The following ZNF41 variants were observed in gnomAD, a reference collection of about 807,000 sequenced individuals.
The protein encoded by ZNF41 is zinc finger protein 41.
Under a neutral mutation model 9.3 loss-of-function variants are expected in ZNF41, and 6 were observed. That is an observed-to-expected ratio of 0.65 (90% CI 0.35 to 1.28). The LOEUF is 1.28. Ranked by LOEUF, ZNF41 falls within the 50% of genes most tolerant of loss-of-function variation. ZNF41 has a pLI of 0.03. For synonymous variants in ZNF41, 192 were observed against 207.1 expected (o/e 0.93, Z 0.63); for missense variants, 523 against 585.8 (o/e 0.89, Z 1.11).
In ZNF41 at chrX:47,478,689, T is replaced by C. The variant is rs190569383; in HGVS notation, c.-280+4406A>G. Among the ~76,000 whole-genome samples the C allele has an allele frequency of 4.0e-3, 443 of 111,549 alleles. 2 individuals are homozygous for C. Among genetic ancestry groups the C allele is most frequent in the Non-Finnish European group, 5.6e-3 (297 of 53,074 alleles). On this transcript the variant is annotated intron_variant, in intron 1 of 4. Coordinates refer to ENST00000684689, the MANE Select transcript of ZNF41 (RefSeq NM_001324144.2). ...GGCCGGACACAGTGGATCATGCCTG[T>C]AGTCCCAGTACTTTGGGAGGCTGAG...
chrX:47,473,559 A>G (rs1439507995), intron 1 of ZNF41, among the ~76,000 whole-genome samples: 1 of 112,258 alleles, frequency 8.9e-6, no homozygotes, highest in Non-Finnish European at 1.9e-5. Flanking sequence ...ATGAAGTCTT[A>G]AAAATCATAA....
chrX:47,460,540 T>C (rs975091403), intron 2 of ZNF41, among the ~76,000 whole-genome samples: 1 of 111,522 alleles, frequency 9.0e-6, no homozygotes, highest in Non-Finnish European at 1.9e-5. Context: ...CTAGAAGATG[T>C]AGAGAACTTG....
intron 1 of ZNF41, among the ~76,000 whole-genome samples, chrX:47,481,965 C>G (rs2057484516): frequency 9.1e-6 from 1 of 110,294 alleles, no homozygotes; most frequent in Non-Finnish European, 1.9e-5. Flanking sequence ...AGCTGCATAT[C>G]TGATTCCACA....
At chrX:47,463,292 C>T (rs1301893537) in intron 2 of ZNF41, among the ~76,000 whole-genome samples, 2 of 111,099 alleles carry the variant, frequency 1.8e-5, no homozygotes, top group East Asian at 5.7e-4. Context: ...CTCCATTACT[C>T]AACATTACAT....
chrX:47,465,009 C>T (rs2056936392), intron 2 of ZNF41, among the ~76,000 whole-genome samples: 1 of 111,540 alleles, frequency 9.0e-6, no homozygotes, highest in Non-Finnish European at 1.9e-5. Context: ...CCTCAGCCTC[C>T]CAGGTAGCTG....
chrX:47,461,834 T>G (rs1423591244), intron 2 of ZNF41, among the ~76,000 whole-genome samples: 96 of 95,931 alleles, frequency 1.0e-3, no homozygotes, highest in Middle Eastern at 0.017. Context: ...TCAGCCTCCT[T>G]AGTAGCTGAG....
chrX:47,455,236 ACT>A (rs1277375799), intron 4 of ZNF41, among the ~76,000 whole-genome samples: 1 of 106,534 alleles, frequency 9.4e-6, no homozygotes, highest in African/African-American at 3.4e-5. Flanking sequence ...CAAGAGCGAA[ACT>A]CTGTCTCAAA....
intron 4 of ZNF41, among the ~76,000 whole-genome samples, chrX:47,449,934 G>A (rs2056297630): frequency 1.8e-5 from 2 of 111,319 alleles, no homozygotes; most frequent in African/African-American, 6.5e-5. Context: ...GTGAGGGGAA[G>A]CTTGGCATGG....
intron 1 of ZNF41, among the ~76,000 whole-genome samples, chrX:47,480,882 C>G (rs1406431245): frequency 5.6e-5 from 6 of 106,754 alleles, no homozygotes; most frequent in Admixed American, 1.1e-4. Flanking sequence ...GAAGCCTTCT[C>G]ATATGTTGCT....
At chrX:47,458,176 T>C (rs1030409268) in intron 2 of ZNF41, among the ~76,000 whole-genome samples, 1 of 111,875 alleles carries the variant, frequency 8.9e-6, no homozygotes, top group East Asian at 2.8e-4. Context: ...GGCACACAGA[T>C]AGAGACGATA....
intron 2 of ZNF41, 137 bp downstream of exon 2, chrX:47,467,273 G>A: frequency 8.7e-7 from 1 of 1,151,663 alleles, no homozygotes; most frequent in Non-Finnish European, 1.2e-6. Flanking sequence ...AGAGGACCCT[G>A]ATCTGTCTCC....
rs758567719 is a variant in ZNF41 at position 47,448,675 on chromosome X, G to C, written c.1095C>G (p.Phe365Leu). 7 of 1,209,767 alleles carry C rather than the reference G, an allele frequency of 5.8e-6. No individual in the cohort carries two copies. The highest frequency in any genetic ancestry group is 3.5e-5 in the African/African-American group (2 of 57,132). Residue 365 changes from phenylalanine (F) to leucine (L), a missense_variant, in exon 5 of 5, where the codon TTC becomes TTG. Physicochemically the swap from Phe to Leu is conservative, Grantham distance 22 (BLOSUM62 0). Coordinates refer to ENST00000684689, the MANE Select transcript of ZNF41 (RefSeq NM_001324144.2). ...GATGTCTAAAGAGGTCTGATCTCTG[G>C]AAAAAGGCTTTTCCACATTCACTGC... ...YKCSECGKAF[F>L]QRSDLFRHLR...
intron 4 of ZNF41, among the ~76,000 whole-genome samples, chrX:47,452,633 T>C (rs893537681): frequency 2.7e-5 from 3 of 112,073 alleles, no homozygotes; most frequent in Non-Finnish European, 5.6e-5. Context: ...CTTTTTTTGC[T>C]AGCAAATCCC....
At chrX:47,455,138 G>C (rs1300309876) in intron 4 of ZNF41, among the ~76,000 whole-genome samples, 1 of 110,428 alleles carries the variant, frequency 9.1e-6, no homozygotes, top group Non-Finnish European at 1.9e-5. Context: ...TCAGCTACTA[G>C]GGAGGCTGAG....
At chrX:47,456,506 G>T in intron 2 of ZNF41, 108 bp from the exon 3 acceptor site, 1 of 1,078,818 alleles carries the variant, frequency 9.3e-7, no homozygotes, top group East Asian at 3.1e-5. Context: ...ATCATGTAGG[G>T]TTTTCACTAA....
intron 2 of ZNF41, among the ~76,000 whole-genome samples, chrX:47,459,469 G>A (rs1180548884): frequency 2.7e-5 from 3 of 109,719 alleles, no homozygotes; most frequent in Non-Finnish European, 3.8e-5. Context: ...GGGCCTGGGC[G>A]TGGAGGCTCA....
chrX:47,466,802 G>C (rs1022107599), intron 2 of ZNF41, among the ~76,000 whole-genome samples: 2 of 111,743 alleles, frequency 1.8e-5, no homozygotes, highest in African/African-American at 6.5e-5. Flanking sequence ...TTACAGGCAT[G>C]AGCCACCGTG....
intron 2 of ZNF41, 187 bp downstream of exon 2, chrX:47,467,223 G>T: frequency 1.0e-6 from 1 of 955,351 alleles, no homozygotes; most frequent in South Asian, 2.3e-5. Context: ...ACGGGGCTTT[G>T]GATGTGGCCT....
At chrX:47,476,277 C>T (rs1485758737) in intron 1 of ZNF41, among the ~76,000 whole-genome samples, 1 of 110,913 alleles carries the variant, frequency 9.0e-6, no homozygotes, top group Non-Finnish European at 1.9e-5. Flanking sequence ...TGCTTGAACC[C>T]GGGAGGCAGA....
Sources: gnomAD v4.1 joint callset for allele counts (sites outside exome capture counted in the v4.1 genomes callset) on GRCh38, gnomAD v4.1.1 for gene constraint, MANE v1.5 for transcripts, NCBI Gene and HGNC (gene_info 2026-07-23, HGNC 2026-07-21) for gene names.